The following EBF1 variants were observed in gnomAD, a reference collection of about 807,000 sequenced individuals.
The protein encoded by EBF1 is transcription factor COE1.
A neutral mutation model predicts 68.4 loss-of-function variants in EBF1; 10 were observed. The observed-to-expected ratio is 0.15, with a 90% CI of 0.09 to 0.25. The LOEUF is 0.25. Among genes scored for constraint, EBF1 ranks in the 10% least tolerant of loss-of-function variants. The pLI is 1.00. For synonymous variants in EBF1, 298 were observed against 299.8 expected (o/e 0.99, Z 0.06); for missense variants, 509 against 794.4 (o/e 0.64, Z 4.32).
At chr5:158,875,056 T>TACAC (rs3035121) in intron 6 of EBF1, among the ~76,000 whole-genome samples, 59,369 of 147,164 alleles carry the variant, frequency 0.4, 11,896 homozygotes, top group South Asian at 0.6. Context: ...CACACACACA[T>TACAC]ACACACACAC....
rs140217689 is a variant in EBF1, at chr5:158,817,216, C to T, written c.778+5960G>A. Among the ~76,000 whole-genome samples, 585 of 151,890 alleles carry T rather than the reference C, an allele frequency of 3.9e-3. 3 individuals are homozygous for T. The highest frequency in any genetic ancestry group is 0.014 in the African/African-American group (563 of 41,334). ...TGGAATTCACCTAAGCAAAACAACCCTTGCACACAGTTTCCTATACCTGGC... is the reference window on the plus strand; with the variant it reads ...TGGAATTCACCTAAGCAAAACAACCTTTGCACACAGTTTCCTATACCTGGC... On this transcript the variant is annotated intron_variant, in intron 8 of 15. Coordinates refer to ENST00000313708, the MANE Select transcript of EBF1 (RefSeq NM_024007.5).
chr5:158,776,881 A>C (rs1205965130), intron 10 of EBF1, among the ~76,000 whole-genome samples: 5 of 152,198 alleles, frequency 3.3e-5, no homozygotes, highest in Non-Finnish European at 7.4e-5. Context: ...GAGGGAATTC[A>C]CATTCACTCT....
At chr5:158,939,070 C>G (rs911320306) in intron 6 of EBF1, among the ~76,000 whole-genome samples, 2 of 152,170 alleles carry the variant, frequency 1.3e-5, no homozygotes, top group African/African-American at 4.8e-5. Flanking sequence ...ATTTCAAGAC[C>G]TGGCACACAT....
chr5:158,903,154 C>T lies in EBF1; in HGVS notation c.555-63044G>A, dbSNP rs971611509. Among the ~76,000 whole-genome samples the T allele has an allele frequency of 1.1e-4, 17 of 152,262 alleles. No individual in the cohort carries two copies. In the South Asian group the frequency reaches 2.3e-3, roughly 20 times the overall value. ...TGTCAATGAGGGGAGAGCTCTTCAG[C>T]GAAGAAGCCTGTCGCATTGGATTGT... is the stretch of plus-strand genomic sequence containing the variant. On this transcript the variant is annotated intron_variant, in intron 6 of 15. Transcript: ENST00000313708.
At chr5:159,001,027 T>G (rs1218738144) in intron 6 of EBF1, among the ~76,000 whole-genome samples, 1 of 152,186 alleles carries the variant, frequency 6.6e-6, no homozygotes, top group Admixed American at 6.6e-5. Context: ...TATATATTTA[T>G]GAAGCTGGGT....
chr5:158,991,877 C>T (rs1760398596), intron 6 of EBF1, among the ~76,000 whole-genome samples: 1 of 152,150 alleles, frequency 6.6e-6, no homozygotes, highest in Admixed American at 6.5e-5. Context: ...CCCTCCCTGC[C>T]TGCCCATTTC....
At chr5:158,913,219 T>C (rs1162358085) in intron 6 of EBF1, among the ~76,000 whole-genome samples, 1 of 152,258 alleles carries the variant, frequency 6.6e-6, no homozygotes, top group East Asian at 1.9e-4. Context: ...ACTTTAATCA[T>C]TTGTGGCATT....
At chr5:158,938,564 G>T (rs114588790) in intron 6 of EBF1, among the ~76,000 whole-genome samples, 315 of 152,308 alleles carry the variant, frequency 2.1e-3, no homozygotes, top group Non-Finnish European at 3.8e-3. Context: ...AGTTCTGAAG[G>T]CTGAGAAGTC....
rs1273982927 is a variant in EBF1, at chr5:158,696,897, GTTTTTT to G, written c.*2208_*2213del. 1.2e-5 allele frequency: 2 copies of G among 162,306 alleles called. No homozygotes were observed. Among genetic ancestry groups the G allele is most frequent in the African/African-American group, 5.1e-5 (2 of 39,128 alleles). 10.1% of individuals were successfully genotyped at this position (162,306 alleles called of 1,614,324 possible). ...TTCTTTTGTGCTTTTCGATTTCTTT[GTTTTTT>G]TTTTTTTCTTTTTTTCTTTTTCTTT... On this transcript the variant is annotated 3_prime_UTR_variant, in exon 16 of 16. Transcript: ENST00000313708.
intron 6 of EBF1, among the ~76,000 whole-genome samples, chr5:158,876,365 C>T (rs1461264323): frequency 2.0e-5 from 3 of 152,164 alleles, no homozygotes; most frequent in African/African-American, 7.2e-5. Context: ...CCCACGACCC[C>T]TTTTCCCTCT....
intron 6 of EBF1, among the ~76,000 whole-genome samples, chr5:158,991,576 C>T (rs1014691900): frequency 2.6e-5 from 4 of 152,106 alleles, no homozygotes; most frequent in Non-Finnish European, 5.9e-5. Flanking sequence ...ATATATCAAG[C>T]CTGAGATGTT....
At chr5:158,743,359 T>G (rs1766843542) in intron 10 of EBF1, among the ~76,000 whole-genome samples, 1 of 152,128 alleles carries the variant, frequency 6.6e-6, no homozygotes, top group Non-Finnish European at 1.5e-5. Context: ...GATGTTCCAG[T>G]TTGGGCAGAG....
intron 11 of EBF1, among the ~76,000 whole-genome samples, chr5:158,714,661 C>T (rs1760237737): frequency 6.6e-6 from 1 of 152,106 alleles, no homozygotes; most frequent in African/African-American, 2.4e-5. Flanking sequence ...TTGTTTATCT[C>T]TCTTGGATGG....
chr5:158,891,852 C>T lies in EBF1; in HGVS notation c.555-51742G>A, dbSNP rs553087783. Among the ~76,000 whole-genome samples, 9 of 152,160 alleles carry T rather than the reference C, an allele frequency of 5.9e-5. No individual in the cohort carries two copies. In the South Asian group the frequency reaches 1.0e-3, roughly 18 times the overall value. ...GTATTTCAGTTTTTATTCTTCTGGT[C>T]TCACTGACAAACAAATGATGCAAAG... On this transcript the variant is annotated intron_variant, in intron 6 of 15. Transcript: ENST00000313708.
At chr5:159,090,261 A>G (rs568735541) in intron 4 of EBF1, among the ~76,000 whole-genome samples, 2,510 of 151,270 alleles carry the variant, frequency 0.017, 21 homozygotes, top group Non-Finnish European at 0.025. Context: ...AAGAAAGAAA[A>G]AAAAAAAGGT....
Position 158,713,157 on chromosome 5 carries a change from C to A in EBF1, c.1192-10G>T. ...TCTTCAGAATGATTTCCTGAAAAGTCAAAGGAATATCCCCTTCAGCTGCCC... is the reference window on the plus strand; with the variant it reads ...TCTTCAGAATGATTTCCTGAAAAGTAAAAGGAATATCCCCTTCAGCTGCCC... On this transcript the variant is annotated splice_polypyrimidine_tract_variant and intron_variant, in intron 12 of 15. Transcript: ENST00000313708. The A allele has an allele frequency of 1.4e-6, 2 of 1,457,860 alleles. No individual in the cohort carries two copies. The highest frequency in any genetic ancestry group is 1.5e-5 in the South Asian group (1 of 65,126). The allele number at this position is 1,457,860 out of a possible 1,614,324, so 90.3% of individuals were successfully genotyped here.
In EBF1 at chr5:158,699,032, C is replaced by T; in HGVS notation, c.*79G>A. Reference sequence around the variant, plus strand: ...TTAAAAAGGCCTGAGTTAAAAGTTCCACTCTGGGACTTGTATCAGATTACT... The same window carrying T: ...TTAAAAAGGCCTGAGTTAAAAGTTCTACTCTGGGACTTGTATCAGATTACT... On this transcript the variant is annotated 3_prime_UTR_variant, in exon 16 of 16. Transcript: ENST00000313708. 7.4e-7 allele frequency: 1 copy of T among 1,360,528 alleles called. No individual in the cohort carries two copies. The highest frequency in any genetic ancestry group is 9.9e-7 in the Non-Finnish European group (1 of 1,005,190). 84.3% of individuals were successfully genotyped at this position (1,360,528 alleles called of 1,614,324 possible). A position where few individuals can be genotyped will look rare whatever the true frequency, so the allele number is the denominator to read the frequency against.
rs559838367 is a variant in EBF1 at position 158,863,864 on chromosome 5, A to G, written c.555-23754T>C. Among the ~76,000 whole-genome samples, 10 of 152,294 alleles carry G rather than the reference A, an allele frequency of 6.6e-5. No homozygotes were observed. In the East Asian group the frequency reaches 1.7e-3, roughly 26 times the overall value. Reference sequence around the variant, plus strand: ...GTAAATGATGCCAAAGTCTCATGAAAATATACAGAAACCGGAAGCTCAATG... The same window carrying G: ...GTAAATGATGCCAAAGTCTCATGAAGATATACAGAAACCGGAAGCTCAATG... On this transcript the variant is annotated intron_variant, in intron 6 of 15. Transcript: ENST00000313708.
intron 6 of EBF1, among the ~76,000 whole-genome samples, chr5:158,979,401 T>C (rs1229854678): frequency 6.6e-6 from 1 of 152,238 alleles, no homozygotes; most frequent in Non-Finnish European, 1.5e-5. Context: ...CCTGACAAGC[T>C]ACAATTTCCC....
Sources: allele counts gnomAD v4.1 joint callset (sites outside exome capture counted in the v4.1 genomes callset), GRCh38; gene constraint gnomAD v4.1.1; transcripts MANE v1.5; gene names NCBI Gene and HGNC (gene_info 2026-07-23, HGNC 2026-07-21).